The following CDC42BPA variants were observed in gnomAD, a reference collection of about 807,000 sequenced individuals.
The protein encoded by CDC42BPA is CDC42 binding protein kinase alpha.
In CDC42BPA, 80 loss-of-function variants were observed where a neutral mutation model predicts 223.5. That is an observed-to-expected ratio of 0.36 (90% confidence interval 0.30 to 0.43). The LOEUF (loss-of-function observed/expected upper bound fraction) is 0.43, where lower values mean the gene tolerates loss of function less well. CDC42BPA is among the 20% of genes least tolerant of loss of function. The pLI is 1.00. For synonymous variants in CDC42BPA, 694 were observed against 718.6 expected (o/e 0.97, Z 0.55); for missense variants, 1,743 against 2,099.9 (o/e 0.83, Z 3.32).
chr1:227,313,758 A>T (rs1364394531), intron 1 of CDC42BPA, among the ~76,000 whole-genome samples: 1 of 73,084 alleles, frequency 1.4e-5, no homozygotes, highest in Non-Finnish European at 2.9e-5. Flanking sequence ...TCGTGTCATA[A>T]AAAAAAAGTG....
At chr1:227,308,749 C>T (rs1322438849) in intron 1 of CDC42BPA, among the ~76,000 whole-genome samples, 2 of 152,100 alleles carry the variant, frequency 1.3e-5, no homozygotes, top group Non-Finnish European at 2.9e-5. Flanking sequence ...TGGTTTAGAA[C>T]AGAAACATTT....
chr1:227,061,246 TAAAC>T (rs1675869750), intron 21 of CDC42BPA, among the ~76,000 whole-genome samples: 1 of 152,084 alleles, frequency 6.6e-6, no homozygotes. Context: ...AACCAAACAA[TAAAC>T]AAATCAACTC....
chr1:227,228,117 G>C (rs971999706), intron 2 of CDC42BPA, among the ~76,000 whole-genome samples: 3 of 152,258 alleles, frequency 2.0e-5, no homozygotes, highest in Admixed American at 6.5e-5. Flanking sequence ...CTATGGGGTG[G>C]GGAGGTGGGG....
At chr1:227,079,017 T>C (rs545337960) in intron 17 of CDC42BPA, among the ~76,000 whole-genome samples, 44 of 152,126 alleles carry the variant, frequency 2.9e-4, no homozygotes, top group Non-Finnish European at 5.6e-4. Flanking sequence ...ACTCAATCTG[T>C]AAACTAAACT....
At chr1:227,303,889 C>T (rs1029719951) in intron 1 of CDC42BPA, among the ~76,000 whole-genome samples, 5 of 152,128 alleles carry the variant, frequency 3.3e-5, no homozygotes. Context: ...ATGCTCAATC[C>T]ATCATCACCA....
At chr1:227,081,048 T>C in intron 16 of CDC42BPA, 31 bp from the exon 17 acceptor site, 1 of 1,609,778 alleles carries the variant, frequency 6.2e-7, no homozygotes, top group Non-Finnish European at 8.5e-7. Context: ...ATGCATGACT[T>C]TTAGGACCAA....
rs995157383 is a variant in CDC42BPA at position 227,120,045 on chromosome 1, G to A, written c.1514-108C>T. On this transcript the variant is annotated intron_variant, in intron 11 of 36. Coordinates refer to ENST00000366766, the MANE Select transcript of CDC42BPA (RefSeq NM_001394014.1). ...TTAAAATTGGTATTTTCAATTTAGT[G>A]TTAGATCTGACAGTGTATACCAGTA... 1.6e-5 allele frequency: 12 copies of A among 762,494 alleles called. No individual in the cohort carries two copies. The African/African-American group carries it at 1.8e-4, about 11-fold the overall frequency. 47.2% of individuals were successfully genotyped at this position (762,494 alleles called of 1,614,324 possible). A position where few individuals can be genotyped will look rare whatever the true frequency, so the allele number is the denominator to read the frequency against.
At position 227,043,791 on chromosome 1, in the gene CDC42BPA, T is replaced by C. The variant is rs529558430; in HGVS notation, c.3094-3555A>G. The stretch of plus-strand genomic sequence containing the variant: ...AATCTTTCCCCTATTTCCAACTCCC[T>C]ACTGCCATAAAAAATACAGTAATAA... On this transcript the variant is annotated intron_variant, in intron 23 of 36. Coordinates refer to ENST00000366766, the MANE Select transcript of CDC42BPA (RefSeq NM_001394014.1). Among the ~76,000 whole-genome samples, 141 of 152,322 alleles carry C rather than the reference T, an allele frequency of 9.3e-4. 1 individual carries two copies. Among genetic ancestry groups the C allele is most frequent in the African/African-American group, 3.1e-3 (127 of 41,574 alleles).
intron 2 of CDC42BPA, among the ~76,000 whole-genome samples, chr1:227,235,736 G>A (rs1049600119): frequency 2.6e-5 from 4 of 152,106 alleles, no homozygotes; most frequent in African/African-American, 7.2e-5. Context: ...AGCATTCTAC[G>A]CAATGCTTGC....
Position 227,034,672 on chromosome 1 carries a change from A to G in CDC42BPA, c.3459T>C (p.Ser1153=). The G allele has an allele frequency of 6.2e-7, 1 of 1,611,914 alleles. No homozygotes were observed. Among genetic ancestry groups the G allele is most frequent in the Non-Finnish European group, 8.5e-7 (1 of 1,178,946 alleles). The change falls in exon 26 of 37, where the codon AGT becomes AGC. Residue 1153 remains serine (S), a synonymous_variant. Coordinates refer to ENST00000366766, the MANE Select transcript of CDC42BPA (RefSeq NM_001394014.1). ...GKASQPSVVI[S]QVIDMRDEEF... is the part of the protein sequence containing the mutation. ...ACTCTTACCTCATGTCAATCACTTGACTAATGACAACACTGGGCTGAGATG... is the reference window on the plus strand; with the variant it reads ...ACTCTTACCTCATGTCAATCACTTGGCTAATGACAACACTGGGCTGAGATG...
At chr1:227,223,230 T>C (rs1572464267) in intron 2 of CDC42BPA, among the ~76,000 whole-genome samples, 1 of 151,722 alleles carries the variant, frequency 6.6e-6, no homozygotes, top group Non-Finnish European at 1.5e-5. Flanking sequence ...GTTTGGGAAG[T>C]AGGGACAGCA....
chr1:227,191,672 T>C (rs936274793), intron 5 of CDC42BPA, among the ~76,000 whole-genome samples: 1 of 142,188 alleles, frequency 7.0e-6, no homozygotes, highest in Admixed American at 7.3e-5. Flanking sequence ...CTATGTTTAG[T>C]AACATTCTTC....
At chr1:227,230,048 A>C (rs1001446366) in intron 2 of CDC42BPA, among the ~76,000 whole-genome samples, 1 of 152,216 alleles carries the variant, frequency 6.6e-6, no homozygotes, top group Non-Finnish European at 1.5e-5. Context: ...TCAAGGATCG[A>C]AACTGAATAC....
intron 16 of CDC42BPA, among the ~76,000 whole-genome samples, chr1:227,088,480 A>C (rs1682416457): frequency 6.6e-6 from 1 of 152,220 alleles, no homozygotes; most frequent in Non-Finnish European, 1.5e-5. Flanking sequence ...AATAATAAGG[A>C]TATACCTGGA....
chr1:227,275,727 C>T (rs1176758370), intron 1 of CDC42BPA, among the ~76,000 whole-genome samples: 1 of 152,030 alleles, frequency 6.6e-6, no homozygotes, highest in Non-Finnish European at 1.5e-5. Context: ...CTCAGCCTGC[C>T]GAGTGCCTGG....
chr1:227,108,709 A>C (rs1686362090), intron 14 of CDC42BPA, among the ~76,000 whole-genome samples: 1 of 152,146 alleles, frequency 6.6e-6, no homozygotes, highest in African/African-American at 2.4e-5. Context: ...GTTTGCATAC[A>C]ACCTACACAC....
intron 10 of CDC42BPA, among the ~76,000 whole-genome samples, chr1:227,130,061 T>TA (rs1448722973): frequency 2.0e-5 from 3 of 152,280 alleles, no homozygotes; most frequent in East Asian, 3.9e-4. Context: ...TACAAGGTTT[T>TA]AAAAAAACAA....
chr1:227,237,082 T>G (rs1248258569), intron 2 of CDC42BPA, among the ~76,000 whole-genome samples: 1 of 151,612 alleles, frequency 6.6e-6, no homozygotes, highest in Non-Finnish European at 1.5e-5. Flanking sequence ...TCATATGTAT[T>G]CTTTCCTATG....
Position 227,031,410 on chromosome 1 carries a change from C to T in CDC42BPA, c.3663G>A (p.Leu1221=), listed in dbSNP as rs1269412718. ...KNKWVGVLSE[L]HKILKKNKFR... is the part of the protein sequence containing the mutation. ...ATTTGTTTTTCTTCAAAATCTTGTG[C>T]AATTCACTCAGCACTCCCACCCACT... The change falls in exon 28 of 37, where the codon TTG becomes TTA. Residue 1221 remains leucine (L), a synonymous_variant. Coordinates refer to ENST00000366766, the MANE Select transcript of CDC42BPA (RefSeq NM_001394014.1). 1.3e-5 allele frequency: 21 copies of T among 1,613,862 alleles called. No individual in the cohort carries two copies. In the Middle Eastern group the frequency reaches 9.9e-4, roughly 76 times the overall value.
Sources: allele counts gnomAD v4.1 joint callset (sites outside exome capture counted in the v4.1 genomes callset), GRCh38; gene constraint gnomAD v4.1.1; transcripts MANE v1.5; gene names NCBI Gene and HGNC (gene_info 2026-07-23, HGNC 2026-07-21).